Variants in GLIS3 observed in about 807,000 individuals in gnomAD.
The protein encoded by GLIS3 is GLIS family zinc finger 3.
A neutral mutation model predicts 78.6 loss-of-function variants in GLIS3; 53 were observed. The observed-to-expected ratio is 0.67, with a 90% CI of 0.54 to 0.85. The LOEUF is 0.85. Among genes scored for constraint, GLIS3 ranks in the 40% least tolerant of loss-of-function variants. GLIS3 has a pLI of 0.00. For missense variants in GLIS3, 1,703 were observed against 1,231.1 expected (o/e 1.38, Z -5.74); for synonymous variants, 684 against 509.9 (o/e 1.34, Z -4.60).
intron 2 of GLIS3, among the ~76,000 whole-genome samples, chr9:4,340,141 T>C (rs1193606210): frequency 2.6e-5 from 4 of 151,956 alleles, no homozygotes; most frequent in African/African-American, 4.8e-5. Flanking sequence ...TCCCTTTTTC[T>C]ACAGCCTTCT....
At chr9:4,234,435 C>G (rs913321213) in intron 2 of GLIS3, among the ~76,000 whole-genome samples, 4 of 152,140 alleles carry the variant, frequency 2.6e-5, no homozygotes, top group Admixed American at 1.3e-4. Context: ...AATGGGCACT[C>G]TGTGGAACAG....
chr9:4,096,009 C>CAAAAAAAAAAAAAA, intron 4 of GLIS3, among the ~76,000 whole-genome samples: 1 of 103,550 alleles, frequency 9.7e-6, no homozygotes, highest in Non-Finnish European at 2.0e-5. Flanking sequence ...GTAACCTATA[C>CAAAAAAAAAAAAAA]AAAAAAAAAA....
chr9:4,386,674 A>C, the GLIS3 span: 1 of 152,188 alleles, frequency 6.6e-6, no homozygotes, highest in African/African-American at 2.4e-5. Context: ...CCCCTAGAGG[A>C]TTCCACTGAT....
At position 3,879,538 on chromosome 9, in the gene GLIS3, G is replaced by A; in HGVS notation, c.2186C>T (p.Pro729Leu). 1 of 1,614,130 alleles carries A rather than the reference G, an allele frequency of 6.2e-7. No individual in the cohort carries two copies. The highest frequency in any genetic ancestry group is 8.5e-7 in the Non-Finnish European group (1 of 1,180,028). The change falls in exon 8 of 11, where the codon CCA (proline) becomes CTA (leucine). Residue 729 changes from proline (P) to leucine (L), a missense_variant. By Grantham distance (98) the Pro-to-Leu change is moderately conservative. Coordinates refer to ENST00000381971, the MANE Select transcript of GLIS3 (RefSeq NM_001042413.2). ...SRSGTAAGAV[P>L]PPHPVSHPSP... ...AGGGTGACTGACAGGATGTGGGGGT[G>A]GTACGGCCCCAGCAGCTGTTCCACT... is the stretch of plus-strand genomic sequence containing the variant.
At chr9:4,237,584 G>C (rs953567564) in intron 2 of GLIS3, among the ~76,000 whole-genome samples, 3 of 152,150 alleles carry the variant, frequency 2.0e-5, no homozygotes, top group African/African-American at 4.8e-5. Context: ...AGCTGTTTCA[G>C]TGTAGCACTT....
chr9:3,891,929 T>C (rs936763612), intron 7 of GLIS3, among the ~76,000 whole-genome samples: 9 of 152,176 alleles, frequency 5.9e-5, no homozygotes, highest in Non-Finnish European at 1.2e-4. Flanking sequence ...TGCACGTTGA[T>C]GAGACTTTAT....
intron 2 of GLIS3, among the ~76,000 whole-genome samples, chr9:4,172,812 G>C (rs1409858209): frequency 1.3e-5 from 2 of 152,146 alleles, no homozygotes; most frequent in Non-Finnish European, 2.9e-5. Flanking sequence ...TTGCAAGCAA[G>C]GGTTGTCTTA....
intron 4 of GLIS3, among the ~76,000 whole-genome samples, chr9:3,987,624 G>C (rs1819848856): frequency 6.6e-6 from 1 of 150,550 alleles, no homozygotes; most frequent in Non-Finnish European, 1.5e-5. Flanking sequence ...TTGAACCCAG[G>C]AGGCAGAGGT....
At chr9:4,386,938 C>T in the GLIS3 span, among the ~76,000 whole-genome samples, 1 of 152,126 alleles carries the variant, frequency 6.6e-6, no homozygotes, top group African/African-American at 2.4e-5. Flanking sequence ...GGGGCATAGT[C>T]CCTGTTGAGG....
chr9:3,941,948 C>T (rs1378214300), intron 4 of GLIS3, among the ~76,000 whole-genome samples: 1 of 152,232 alleles, frequency 6.6e-6, no homozygotes. Context: ...ATTAAGATGA[C>T]CTTTGAAATG....
chr9:4,048,882 T>C (rs1053551131), intron 4 of GLIS3, among the ~76,000 whole-genome samples: 2 of 152,154 alleles, frequency 1.3e-5, no homozygotes, highest in Non-Finnish European at 2.9e-5. Context: ...GTAGACCTCC[T>C]AACAACCATC....
rs184932009 is a variant in GLIS3 at position 4,022,285 on chromosome 9, G to A, written c.1711-85096C>T. Among the ~76,000 whole-genome samples, 201 of 152,224 alleles carry A rather than the reference G, an allele frequency of 1.3e-3. 2 individuals are homozygous for A. The highest frequency in any genetic ancestry group is 4.6e-3 in the African/African-American group (190 of 41,542). On this transcript the variant is annotated intron_variant, in intron 4 of 10. Coordinates refer to ENST00000381971, the MANE Select transcript of GLIS3 (RefSeq NM_001042413.2). The stretch of plus-strand genomic sequence containing the variant: ...CTACAGCTTACATCTCAGGTCCTGC[G>A]CTTGGTTTGATACCTTGATGATTAT...
chr9:4,049,720 GAA>G (rs1394345063), intron 4 of GLIS3, among the ~76,000 whole-genome samples: 1 of 152,084 alleles, frequency 6.6e-6, no homozygotes, highest in African/African-American at 2.4e-5. Context: ...CTAATATCCA[GAA>G]TCTACAAAGA....
At chr9:4,379,746 G>C in the GLIS3 span, among the ~76,000 whole-genome samples, 7 of 152,222 alleles carry the variant, frequency 4.6e-5, no homozygotes, top group African/African-American at 1.4e-4. Flanking sequence ...AGTGTCCCTA[G>C]CAATGACAGA....
the GLIS3 span, among the ~76,000 whole-genome samples, chr9:4,419,248 C>A: frequency 6.6e-6 from 1 of 152,160 alleles, no homozygotes; most frequent in African/African-American, 2.4e-5. Context: ...AGCTGCTAAT[C>A]TCTTTTGAAC....
chr9:4,481,813 T>C, the GLIS3 span, among the ~76,000 whole-genome samples: 2 of 152,228 alleles, frequency 1.3e-5, no homozygotes, highest in African/African-American at 4.8e-5. Context: ...TTATGACTGA[T>C]GTTACTAATT....
intron 2 of GLIS3, among the ~76,000 whole-genome samples, chr9:4,340,673 C>T (rs1413063159): frequency 6.6e-6 from 1 of 152,114 alleles, no homozygotes. Flanking sequence ...GGAACCAGAT[C>T]CCACCTGATT....
chr9:3,991,914 T>C, intron 4 of GLIS3, among the ~76,000 whole-genome samples: 1 of 152,064 alleles, frequency 6.6e-6, no homozygotes, highest in Admixed American at 6.6e-5. Context: ...ACAGTCTTGA[T>C]CTCCTGACTT....
At position 4,277,811 on chromosome 9, in the gene GLIS3, C is replaced by T. The variant is rs572739205; in HGVS notation, c.388+8227G>A. On this transcript the variant is annotated intron_variant, in intron 2 of 10. Transcript: ENST00000381971. Reference sequence around the variant, plus strand: ...AAGTGGGGATCATAAAGCTGATTTCCCAGACGCTGTGAAAAATGCATTTCT... The same window carrying T: ...AAGTGGGGATCATAAAGCTGATTTCTCAGACGCTGTGAAAAATGCATTTCT... 1.1e-3 allele frequency among the ~76,000 whole-genome samples: 163 copies of T among 152,212 alleles called. 2 individuals carry two copies. The highest frequency in any genetic ancestry group is 3.7e-3 in the African/African-American group (154 of 41,520).
Sources: gnomAD v4.1 joint callset for allele counts (sites outside exome capture counted in the v4.1 genomes callset) on GRCh38, gnomAD v4.1.1 for gene constraint, MANE v1.5 for transcripts, NCBI Gene and HGNC (gene_info 2026-07-23, HGNC 2026-07-21) for gene names.